CDH4: variants seen among roughly 807,000 people sequenced by gnomAD.
CDH4 encodes the protein cadherin-4.
In CDH4, 33 loss-of-function variants were observed where a neutral mutation model predicts 86.0. That is an observed-to-expected ratio of 0.38 (90% confidence interval 0.29 to 0.51). The LOEUF is 0.51. Among genes scored for constraint, CDH4 ranks in the 20% least tolerant of loss-of-function variants. The pLI, the probability that CDH4 is intolerant of heterozygous loss-of-function variation, is 0.86. For missense variants in CDH4, 1,114 were observed against 1,307.4 expected, an observed-to-expected ratio of 0.85 and a Z score of 2.28; for synonymous variants, 555 against 549.4, an observed-to-expected ratio of 1.01 and a Z score of -0.14.
intron 2 of CDH4, among the ~76,000 whole-genome samples, chr20:61,399,615 C>T (rs1015222714): frequency 2.6e-5 from 4 of 152,194 alleles, no homozygotes; most frequent in Admixed American, 6.5e-5. Context: ...AGGTCCTATC[C>T]GGTTGGTCTA....
At chr20:61,404,767 C>T (rs2085071149) in intron 2 of CDH4, among the ~76,000 whole-genome samples, 2 of 150,496 alleles carry the variant, frequency 1.3e-5, no homozygotes, top group Admixed American at 1.3e-4. Flanking sequence ...AGAAAAAGCT[C>T]AGGCTGGGCG....
At chr20:61,271,297 G>A (rs2084181788) in intron 2 of CDH4, among the ~76,000 whole-genome samples, 1 of 152,224 alleles carries the variant, frequency 6.6e-6, no homozygotes, top group Admixed American at 6.5e-5. Context: ...GAGCAAATGT[G>A]GAGAGCCTGG....
chr20:61,549,470 A>C (rs780062146), intron 2 of CDH4, among the ~76,000 whole-genome samples: 1 of 152,178 alleles, frequency 6.6e-6, no homozygotes, highest in Non-Finnish European at 1.5e-5. Context: ...AAAAATTACT[A>C]GAAGGCTTCA....
At chr20:61,262,896 T>C (rs2084135834) in intron 2 of CDH4, among the ~76,000 whole-genome samples, 1 of 141,332 alleles carries the variant, frequency 7.1e-6, no homozygotes, top group African/African-American at 2.6e-5. Flanking sequence ...CTCCCTCCCT[T>C]CCTCCTTTCC....
At chr20:61,283,546 TGCTGTGGTGTGTGATGTAG>T in intron 2 of CDH4, among the ~76,000 whole-genome samples, 1 of 136,104 alleles carries the variant, frequency 7.3e-6, no homozygotes, top group African/African-American at 2.7e-5. Context: ...TACACGCGTG[TGCTGTGGTGTGTGATGTAG>T]GTGCATTTGC....
chr20:61,790,547 C>A (rs1979125173), intron 4 of CDH4, among the ~76,000 whole-genome samples: 1 of 151,606 alleles, frequency 6.6e-6, no homozygotes, highest in Non-Finnish European at 1.5e-5. Flanking sequence ...TTCCATCCAT[C>A]TACCTACCCA....
intron 2 of CDH4, among the ~76,000 whole-genome samples, chr20:61,444,751 CTG>C (rs2085337944): frequency 8.2e-6 from 1 of 122,018 alleles, no homozygotes; most frequent in African/African-American, 3.2e-5. Context: ...CTGTGTGTGT[CTG>C]TGTATATTTG....
intron 2 of CDH4, among the ~76,000 whole-genome samples, chr20:61,699,544 G>A (rs191059394): frequency 2.4e-4 from 36 of 152,280 alleles, no homozygotes; most frequent in Admixed American, 3.9e-4. Context: ...TTGTCCACTC[G>A]AGAAAGTGTT....
chr20:61,824,317 G>C (rs1358933409), intron 4 of CDH4, among the ~76,000 whole-genome samples: 2 of 150,500 alleles, frequency 1.3e-5, no homozygotes, highest in African/African-American at 4.9e-5. Context: ...TATGGCTTGA[G>C]ATGAGTGTTG....
At chr20:61,330,648 G>A (rs990808710) in intron 2 of CDH4, among the ~76,000 whole-genome samples, 3 of 152,194 alleles carry the variant, frequency 2.0e-5, no homozygotes, top group Admixed American at 6.5e-5. Context: ...GCTGGGCACC[G>A]ACATGCTACA....
At chr20:61,288,472 T>C (rs1198562308) in intron 2 of CDH4, among the ~76,000 whole-genome samples, 1 of 152,180 alleles carries the variant, frequency 6.6e-6, no homozygotes, top group Non-Finnish European at 1.5e-5. Flanking sequence ...GTCAGAGGCT[T>C]TGCTCATTCA....
chr20:61,787,829 G>C (rs1328830616), intron 4 of CDH4, among the ~76,000 whole-genome samples: 1 of 152,200 alleles, frequency 6.6e-6, no homozygotes, highest in African/African-American at 2.4e-5. Flanking sequence ...CAGGCAGAGG[G>C]AACAGTAAGT....
intron 2 of CDH4, among the ~76,000 whole-genome samples, chr20:61,390,415 C>T (rs1322245919): frequency 2.3e-5 from 3 of 131,166 alleles, no homozygotes; most frequent in Non-Finnish European, 3.3e-5. Context: ...CGATTGAGAT[C>T]GTGCGGTCAT....
intron 2 of CDH4, among the ~76,000 whole-genome samples, chr20:61,733,708 TGAAA>T (rs201741443): frequency 1.7e-4 from 26 of 151,060 alleles, no homozygotes; most frequent in African/African-American, 5.4e-4. Flanking sequence ...AAAGAAAGAA[TGAAA>T]GAAAGAAAGA....
rs184665505 is a variant in CDH4 at position 61,632,063 on chromosome 20, C to T, written c.170-111500C>T. Reference sequence around the variant, plus strand: ...GGCTCTGCTGACACGTCAGATCATCCGGGATGCGCTGGCACACACGTGTAG... The same window carrying T: ...GGCTCTGCTGACACGTCAGATCATCTGGGATGCGCTGGCACACACGTGTAG... On this transcript the variant is annotated intron_variant, in intron 2 of 15. Transcript: ENST00000614565. Among the ~76,000 whole-genome samples the T allele has an allele frequency of 2.0e-5, 3 of 152,372 alleles. No individual in the cohort carries two copies. The East Asian group carries it at 5.8e-4, about 29-fold the overall frequency.
intron 2 of CDH4, among the ~76,000 whole-genome samples, chr20:61,371,052 C>G (rs1441810127): frequency 6.6e-6 from 1 of 152,236 alleles, no homozygotes; most frequent in African/African-American, 2.4e-5. Flanking sequence ...GGGAGCATGC[C>G]TACTTTTTAA....
At chr20:61,624,559 C>G (rs76889899) in intron 2 of CDH4, among the ~76,000 whole-genome samples, 1 of 152,214 alleles carries the variant, frequency 6.6e-6, no homozygotes, top group South Asian at 2.1e-4. Flanking sequence ...CAAGGCCAGG[C>G]AGCCAGGAGA....
intron 2 of CDH4, among the ~76,000 whole-genome samples, chr20:61,514,379 G>T (rs1184950324): frequency 1.3e-5 from 2 of 151,314 alleles, no homozygotes; most frequent in African/African-American, 2.4e-5. Context: ...TCTGGTGGGG[G>T]TCCAGGTTTC....
chr20:61,706,866 G>A (rs1046170883), intron 2 of CDH4, among the ~76,000 whole-genome samples: 5 of 152,346 alleles, frequency 3.3e-5, no homozygotes, highest in Admixed American at 6.5e-5. Context: ...GACCCTCTGT[G>A]ATGCCCAGAC....
Sources: gnomAD v4.1 joint callset for allele counts (sites outside exome capture counted in the v4.1 genomes callset) on GRCh38, gnomAD v4.1.1 for gene constraint, MANE v1.5 for transcripts, NCBI Gene and HGNC (gene_info 2026-07-23, HGNC 2026-07-21) for gene names.